Variants in PCDHGA4 observed in about 807,000 individuals in gnomAD.
PCDHGA4 encodes the protein protocadherin gamma-A4.
In PCDHGA4, 38 loss-of-function variants were observed where a neutral mutation model predicts 54.6. That is an observed-to-expected ratio of 0.70 (90% CI 0.54 to 0.91). The LOEUF (loss-of-function observed/expected upper bound fraction) is 0.91, where lower values mean the gene tolerates loss of function less well. Ranked by LOEUF, PCDHGA4 falls within the 40% of genes least tolerant of loss-of-function variation. The pLI is 0.00. For synonymous variants in PCDHGA4, 511 were observed against 512.9 expected, an observed-to-expected ratio of 1.00 and a Z score of 0.05; for missense variants, 1,298 against 1,220.9, an observed-to-expected ratio of 1.06 and a Z score of -0.94.
chr5:141,407,123 C>T (rs1271155338), intron 1 of PCDHGA4, among the ~76,000 whole-genome samples: 2 of 152,078 alleles, frequency 1.3e-5, no homozygotes, highest in East Asian at 3.8e-4. Context: ...GTTTCAGTTG[C>T]TTTATTTTTA....
intron 1 of PCDHGA4, chr5:141,357,842 G>T: frequency 1.6e-6 from 1 of 624,650 alleles, no homozygotes; most frequent in Non-Finnish European, 2.7e-6. Context: ...TTCAGTTGTA[G>T]TTTCAGCCAG....
intron 2 of PCDHGA4, among the ~76,000 whole-genome samples, chr5:141,502,404 C>G (rs1270930372): frequency 6.6e-6 from 1 of 151,880 alleles, no homozygotes; most frequent in African/African-American, 2.4e-5. Context: ...TGTCCCCGAA[C>G]CTGGATTTGC....
At chr5:141,358,924 A>T (rs1466398960) in intron 1 of PCDHGA4, among the ~76,000 whole-genome samples, 1 of 152,216 alleles carries the variant, frequency 6.6e-6, no homozygotes, top group African/African-American at 2.4e-5. Context: ...TGTGTAGGGG[A>T]TATACAACAC....
chr5:141,357,065 A>G lies in PCDHGA4; in HGVS notation c.1958A>G (p.His653Arg). 1 of 1,613,964 alleles carries G rather than the reference A, an allele frequency of 6.2e-7. No homozygotes were observed. The highest frequency in any genetic ancestry group is 8.5e-7 in the Non-Finnish European group (1 of 1,179,958). ...CCGGGACTATTTGCAGTGGGGCTGC[A>G]CACAGGCGAGGTGCGCACCGCACGG... ...SEPGLFAVGL[H>R]TGEVRTARAL... Residue 653 changes from histidine (H) to arginine (R), a missense_variant, in exon 1 of 4, where the codon CAC becomes CGC. Physicochemically the swap from His to Arg is conservative, Grantham distance 29. Transcript: ENST00000571252.
intron 1 of PCDHGA4, chr5:141,399,606 G>A: frequency 1.2e-6 from 2 of 1,613,956 alleles, no homozygotes; most frequent in Non-Finnish European, 1.7e-6. Context: ...GCGACCTAGA[G>A]CCTCTGGCAC....
At chr5:141,450,653 A>AT (rs2098689237) in intron 1 of PCDHGA4, among the ~76,000 whole-genome samples, 1 of 151,192 alleles carries the variant, frequency 6.6e-6, no homozygotes, top group Non-Finnish European at 1.5e-5. Context: ...TGCCTGGCTA[A>AT]TTTTTGTACT....
intron 1 of PCDHGA4, among the ~76,000 whole-genome samples, chr5:141,452,664 T>C (rs557662640): frequency 6.6e-6 from 1 of 151,058 alleles, no homozygotes; most frequent in South Asian, 2.1e-4. Context: ...TCCACTGCAC[T>C]CCAGCCTAGG....
rs536313993 is a variant in PCDHGA4, at chr5:141,436,142, T to G, written c.2515-58665T>G. Among the ~76,000 whole-genome samples, 46 of 152,334 alleles carry G rather than the reference T, an allele frequency of 3.0e-4. No homozygotes were observed. The South Asian group carries it at 3.1e-3, about 10-fold the overall frequency. ...CTCTCCTCCATCATCTTGTATGAAC[T>G]ACCAAAATGTTTATCATATGGACAG... On this transcript the variant is annotated intron_variant, in intron 1 of 3. Coordinates refer to ENST00000571252, the MANE Select transcript of PCDHGA4 (RefSeq NM_018917.4).
At chr5:141,376,530 G>T (rs200613052) in intron 1 of PCDHGA4, 35 of 1,613,550 alleles carry the variant, frequency 2.2e-5, no homozygotes, top group Non-Finnish European at 2.8e-5. Flanking sequence ...CCGCCTAAGC[G>T]GGAAGAGTAA....
At position 141,477,160 on chromosome 5, in the gene PCDHGA4, C is replaced by G. The variant is rs768436526; in HGVS notation, c.2515-17647C>G. 2 of 1,614,186 alleles carry G rather than the reference C, an allele frequency of 1.2e-6. No homozygotes were observed. Among genetic ancestry groups the G allele is most frequent in the Admixed American group, 1.7e-5 (1 of 60,020 alleles). On this transcript the variant is annotated intron_variant, in intron 1 of 3. Transcript: ENST00000571252. The surrounding 1 kb of genome is among the most constrained non-coding windows in gnomAD (Gnocchi z 4.9). ...TGGAGGTTGTGGATGTGAATGACAA[C>G]GCCCCGGAGATCACAGTCACCTCCG...
At chr5:141,362,972 A>G (rs1422229452) in intron 1 of PCDHGA4, among the ~76,000 whole-genome samples, 1 of 152,258 alleles carries the variant, frequency 6.6e-6, no homozygotes, top group African/African-American at 2.4e-5. Flanking sequence ...CAAAGAAGAA[A>G]GACTTTTGCA....
At chr5:141,366,340 C>T in intron 1 of PCDHGA4, 1 of 1,613,934 alleles carries the variant, frequency 6.2e-7, no homozygotes, top group Non-Finnish European at 8.5e-7. Context: ...GGATCCCTGA[C>T]ATCCTGGCTG....
At chr5:141,405,370 G>C in intron 1 of PCDHGA4, 1 of 1,606,236 alleles carries the variant, frequency 6.2e-7, no homozygotes, top group Non-Finnish European at 8.5e-7. Flanking sequence ...ACACCCCTTT[G>C]GTTCCGGTGA....
At chr5:141,357,850 C>T (rs904874915) in intron 1 of PCDHGA4, 3 of 608,650 alleles carry the variant, frequency 4.9e-6, no homozygotes, top group Admixed American at 3.4e-5. Flanking sequence ...TAGTTTCAGC[C>T]AGAATTTTCT....
rs769872504 is a variant in PCDHGA4, at chr5:141,394,062, A to G, written c.2514+36441A>G. 2.5e-6 allele frequency: 4 copies of G among 1,613,808 alleles called. No homozygotes were observed. The South Asian group carries it at 4.4e-5, about 18-fold the overall frequency. On this transcript the variant is annotated intron_variant, in intron 1 of 3. Coordinates refer to ENST00000571252, the MANE Select transcript of PCDHGA4 (RefSeq NM_018917.4). ...ATATTTGGACCGAGAAAATGTCTCT[A>G]TCTACAATATCACAGTGATGGCCTC... is the stretch of plus-strand genomic sequence containing the variant.
rs181400389 is a variant in PCDHGA4, at chr5:141,360,129, C to T, written c.2514+2508C>T. The T allele has an allele frequency of 2.6e-4, 413 of 1,586,318 alleles. 2 individuals are homozygous for T. The Admixed American group carries it at 6.4e-3, about 25-fold the overall frequency. On this transcript the variant is annotated intron_variant, in intron 1 of 3. Coordinates refer to ENST00000571252, the MANE Select transcript of PCDHGA4 (RefSeq NM_018917.4). ...CCTATGGGCAAAGGAGCAAAGGGAGCCAGAAGATGAAAGCGAGCTCAGGGA... is the reference window on the plus strand; with the variant it reads ...CCTATGGGCAAAGGAGCAAAGGGAGTCAGAAGATGAAAGCGAGCTCAGGGA...
At chr5:141,459,775 T>C (rs377188083) in intron 1 of PCDHGA4, among the ~76,000 whole-genome samples, 8 of 152,362 alleles carry the variant, frequency 5.3e-5, no homozygotes, top group African/African-American at 1.4e-4. Flanking sequence ...TACTATCTCA[T>C]TGAAGTTTCA....
Position 141,431,829 on chromosome 5 carries a change from C to T in PCDHGA4, c.2515-62978C>T, listed in dbSNP as rs758915768. On this transcript the variant is annotated intron_variant, in intron 1 of 3. Transcript: ENST00000571252. The surrounding 1 kb of genome is among the most constrained non-coding windows in gnomAD (Gnocchi z 4.8). ...CTCACCTCTCTCGCCAGCTCGGTTC[C>T]CGAAAACTCTCCCAGAGGGACATTA... The T allele has an allele frequency of 1.9e-6, 3 of 1,613,928 alleles. No individual in the cohort carries two copies. The highest frequency in any genetic ancestry group is 2.2e-5 in the South Asian group (2 of 91,090).
intron 1 of PCDHGA4, among the ~76,000 whole-genome samples, chr5:141,482,843 G>A (rs1005014887): frequency 7.1e-6 from 1 of 140,154 alleles, no homozygotes; most frequent in Non-Finnish European, 1.5e-5. Flanking sequence ...AGGCCAAGGT[G>A]GGCAGATCAC....
Sources: gnomAD v4.1 joint callset for allele counts (sites outside exome capture counted in the v4.1 genomes callset) on GRCh38, gnomAD v4.1.1 for gene constraint, Gnocchi (gnomAD v3.1) non-coding constraint, MANE v1.5 for transcripts, NCBI Gene and HGNC (gene_info 2026-07-23, HGNC 2026-07-21) for gene names.